CDH12: variants seen among roughly 807,000 people sequenced by gnomAD.
CDH12 encodes the protein cadherin-12.
A neutral mutation model predicts 74.1 loss-of-function variants in CDH12; 41 were observed. The ratio of observed to expected loss-of-function variants is 0.55; its 90% CI spans 0.43 to 0.72. CDH12 has a LOEUF of 0.72. Ranked by LOEUF, CDH12 falls within the 30% of genes least tolerant of loss-of-function variation. CDH12 has a pLI of 0.00. For missense variants in CDH12, 945 were observed against 977.2 expected (o/e 0.97, Z 0.44); for synonymous variants, 399 against 355.0 (o/e 1.12, Z -1.39).
chr5:22,804,062 A>C (rs537145196), intron 1 of CDH12, among the ~76,000 whole-genome samples: 68 of 152,350 alleles, frequency 4.5e-4, no homozygotes, highest in African/African-American at 1.6e-3. Flanking sequence ...CAATGAAGAA[A>C]TGTATTAAAG....
intron 1 of CDH12, among the ~76,000 whole-genome samples, chr5:22,604,687 G>T (rs1367049879): frequency 3.9e-5 from 6 of 152,282 alleles, no homozygotes; most frequent in Non-Finnish European, 8.8e-5. Context: ...GTGGGCCAAG[G>T]GGTCTGCTGC....
At chr5:22,564,183 C>T (rs1307132490) in intron 1 of CDH12, among the ~76,000 whole-genome samples, 1 of 152,160 alleles carries the variant, frequency 6.6e-6, no homozygotes, top group Non-Finnish European at 1.5e-5. Context: ...AAATATAGTT[C>T]TGAATTCTTC....
rs1308294487 is a variant in CDH12 at position 22,845,504 on chromosome 5, T to C, written c.-523+7554A>G. ...ACAAAATGGATTGAGGGCTGCTATG[T>C]GCCCTCTATGTGCGACTATTATAGG... On this transcript the variant is annotated intron_variant, in intron 1 of 14. Coordinates refer to ENST00000382254, the MANE Select transcript of CDH12 (RefSeq NM_004061.5). Among the ~76,000 whole-genome samples, 4 of 152,312 alleles carry C rather than the reference T, an allele frequency of 2.6e-5. No homozygotes were observed. The South Asian group carries it at 8.3e-4, about 32-fold the overall frequency.
chr5:22,692,830 T>C (rs2126945938), intron 1 of CDH12, among the ~76,000 whole-genome samples: 2 of 152,232 alleles, frequency 1.3e-5, no homozygotes, highest in South Asian at 4.2e-4. Flanking sequence ...TTTTCCTGAA[T>C]AAACCATTGC....
At chr5:22,262,727 C>T (rs1753566111) in intron 3 of CDH12, among the ~76,000 whole-genome samples, 1 of 151,836 alleles carries the variant, frequency 6.6e-6, no homozygotes, top group Admixed American at 6.6e-5. Flanking sequence ...TTTACAGTCC[C>T]ACCAACAGTG....
intron 1 of CDH12, among the ~76,000 whole-genome samples, chr5:22,792,408 A>G (rs1310191501): frequency 6.6e-6 from 1 of 152,056 alleles, no homozygotes; most frequent in Admixed American, 6.5e-5. Flanking sequence ...TTTTGATTGC[A>G]ATTTGGCTTA....
chr5:22,502,110 G>A (rs1455883202), intron 2 of CDH12, among the ~76,000 whole-genome samples: 2 of 152,090 alleles, frequency 1.3e-5, no homozygotes, highest in African/African-American at 4.8e-5. Flanking sequence ...TAGTTGATAT[G>A]GTTTGGCTTG....
intron 4 of CDH12, among the ~76,000 whole-genome samples, chr5:22,086,260 A>C (rs1743060927): frequency 1.3e-5 from 2 of 152,260 alleles, no homozygotes; most frequent in South Asian, 4.1e-4. Flanking sequence ...TGGCTTGTCC[A>C]GATTCTACTC....
At chr5:21,887,327 A>T (rs952515367) in intron 6 of CDH12, among the ~76,000 whole-genome samples, 4 of 152,162 alleles carry the variant, frequency 2.6e-5, no homozygotes, top group African/African-American at 9.6e-5. Context: ...GTTGATAGTG[A>T]TGGACAAAAA....
At chr5:22,699,138 G>T (rs1742578684) in intron 1 of CDH12, among the ~76,000 whole-genome samples, 1 of 152,086 alleles carries the variant, frequency 6.6e-6, no homozygotes, top group Admixed American at 6.5e-5. Flanking sequence ...CAAACGAGAT[G>T]ATTCAGTCTT....
chr5:22,265,532 T>A (rs1753673468), intron 3 of CDH12, among the ~76,000 whole-genome samples: 1 of 152,172 alleles, frequency 6.6e-6, no homozygotes, highest in African/African-American at 2.4e-5. Flanking sequence ...AGAATTGATA[T>A]TAAAAATTGG....
intron 5 of CDH12, among the ~76,000 whole-genome samples, chr5:22,053,471 C>G (rs1740525622): frequency 6.6e-6 from 1 of 151,976 alleles, no homozygotes; most frequent in African/African-American, 2.4e-5. Context: ...TAAACACTGT[C>G]AAGTGTTATC....
chr5:21,880,679 C>CTTTCTTTCTTTCTTTCTTTA (rs1752297837), intron 6 of CDH12, among the ~76,000 whole-genome samples: 1 of 110,338 alleles, frequency 9.1e-6, no homozygotes, highest in African/African-American at 3.3e-5. Context: ...TTCTTTCTTT[C>CTTTCTTTCTTTCTTTCTTTA]TTTCTTTCTT....
At chr5:21,851,556 G>A (rs1256356867) in intron 7 of CDH12, among the ~76,000 whole-genome samples, 1 of 150,818 alleles carries the variant, frequency 6.6e-6, no homozygotes, top group East Asian at 1.9e-4. Context: ...ATGTTTTATA[G>A]TTGTAGCTAC....
chr5:22,596,794 T>C (rs971080398), intron 1 of CDH12, among the ~76,000 whole-genome samples: 1 of 152,232 alleles, frequency 6.6e-6, no homozygotes, highest in East Asian at 1.9e-4. Context: ...GAGCATCTCT[T>C]CTTCTGAAAC....
At chr5:22,779,522 C>T (rs1747279291) in intron 1 of CDH12, among the ~76,000 whole-genome samples, 1 of 152,146 alleles carries the variant, frequency 6.6e-6, no homozygotes, top group Non-Finnish European at 1.5e-5. Flanking sequence ...TATAGTTTGG[C>T]TCTGTGTCCC....
At chr5:21,944,593 A>C (rs1371283178) in intron 6 of CDH12, among the ~76,000 whole-genome samples, 1 of 152,192 alleles carries the variant, frequency 6.6e-6, no homozygotes, top group Non-Finnish European at 1.5e-5. Flanking sequence ...GGATTATTTA[A>C]GCCACGAGAA....
Position 22,166,260 on chromosome 5 carries a change from G to A in CDH12, c.-187+46238C>T, listed in dbSNP as rs370465212. ...ATATTTATCTCTCTTGTTCGTTGAT[G>A]TATCCCAAACCCCTGGAAGAGGACC... is the stretch of plus-strand genomic sequence containing the variant. On this transcript the variant is annotated intron_variant, in intron 4 of 14. Transcript: ENST00000382254. 7.9e-5 allele frequency among the ~76,000 whole-genome samples: 12 copies of A among 152,284 alleles called. No homozygotes were observed. In the East Asian group the frequency reaches 2.3e-3, roughly 29 times the overall value.
At position 21,938,479 on chromosome 5, in the gene CDH12, T is replaced by C. The variant is rs908081701; in HGVS notation, c.526+36612A>G. ...TATGTACAGTGGAATATGAAAAATA[T>C]ATAAATGGTACATAACCAATTCTAG... is the stretch of plus-strand genomic sequence containing the variant. On this transcript the variant is annotated intron_variant, in intron 6 of 14. Coordinates refer to ENST00000382254, the MANE Select transcript of CDH12 (RefSeq NM_004061.5). Among the ~76,000 whole-genome samples the C allele has an allele frequency of 4.8e-4, 70 of 146,672 alleles. 1 individual carries two copies. The South Asian group carries it at 0.015, about 30-fold the overall frequency.
Sources: gnomAD v4.1 joint callset for allele counts (sites outside exome capture counted in the v4.1 genomes callset) on GRCh38, gnomAD v4.1.1 for gene constraint, MANE v1.5 for transcripts, NCBI Gene and HGNC (gene_info 2026-07-23, HGNC 2026-07-21) for gene names.